The following ELK3 variants were observed in gnomAD, a reference collection of about 807,000 sequenced individuals.
ELK3 encodes ETS domain-containing protein Elk-3.
In ELK3, 10 loss-of-function variants were observed where a neutral mutation model predicts 28.9. The observed-to-expected ratio is 0.35, with a 90% confidence interval of 0.21 to 0.59. The LOEUF (loss-of-function observed/expected upper bound fraction) is 0.59, where lower values mean the gene tolerates loss of function less well. Ranked by LOEUF, ELK3 falls within the 20% of genes least tolerant of loss-of-function variation. The pLI is 0.82. For missense variants in ELK3, 463 were observed against 517.3 expected, an observed-to-expected ratio of 0.90 and a Z score of 1.02; for synonymous variants, 272 against 243.5, an observed-to-expected ratio of 1.12 and a Z score of -1.09.
At chr12:96,227,634 T>A (rs1347974240) in intron 2 of ELK3, among the ~76,000 whole-genome samples, 1 of 152,256 alleles carries the variant, frequency 6.6e-6, no homozygotes, top group African/African-American at 2.4e-5. Context: ...AGGAGGGTCA[T>A]CTCTGTGCCC....
chr12:96,260,555 T>TTATAGA (rs201069494), intron 4 of ELK3, among the ~76,000 whole-genome samples: 1,526 of 152,348 alleles, frequency 0.01, 43 homozygotes, highest in Admixed American at 0.061. Flanking sequence ...CTCTCCATAC[T>TTATAGA]AGGCGAGCAC....
At position 96,247,251 on chromosome 12, in the gene ELK3, C is replaced by G; in HGVS notation, c.519C>G (p.Ser173Arg). 6.2e-7 allele frequency: 1 copy of G among 1,614,020 alleles called. No individual in the cohort carries two copies. The highest frequency in any genetic ancestry group is 1.1e-5 in the South Asian group (1 of 91,080). ...TEKLEEPPED[S>R]PPVEEVRTVI... is the part of the protein sequence containing the mutation. ...AGCTGGAGGAGCCGCCCGAAGACAG[C>G]CCCCCCGTGGAAGAAGTCAGGACTG... is the stretch of plus-strand genomic sequence containing the variant. Residue 173 changes from serine to arginine, a missense_variant, in exon 3 of 5, where the codon AGC (serine) becomes AGG (arginine). Around this residue, in one of 2 missense-constraint regions of ELK3, gnomAD observed 408 missense variants for 414.8 expected, o/e 0.98. Coordinates refer to ENST00000228741, the MANE Select transcript of ELK3 (RefSeq NM_005230.4). This position sits in a 1 kb window ranked among gnomAD's most constrained non-coding sequence, Gnocchi z 5.5.
chr12:96,258,669 A>G (rs1416226917), intron 3 of ELK3, among the ~76,000 whole-genome samples: 2 of 152,208 alleles, frequency 1.3e-5, no homozygotes, highest in African/African-American at 4.8e-5. Context: ...CTCCACTGAG[A>G]ATAAAAGCCA....
chr12:96,214,141 G>A (rs1014592040), intron 1 of ELK3, among the ~76,000 whole-genome samples: 1 of 152,062 alleles, frequency 6.6e-6, no homozygotes, highest in Non-Finnish European at 1.5e-5. Flanking sequence ...AAAAAACATT[G>A]CAGACTGGGC....
chr12:96,227,767 G>A (rs1016481774), intron 2 of ELK3, among the ~76,000 whole-genome samples: 55 of 152,198 alleles, frequency 3.6e-4, no homozygotes, highest in African/African-American at 1.3e-3. Context: ...GATCGTCTGG[G>A]TTTGAATCCA....
At position 96,267,382 on chromosome 12, in the gene ELK3, G is replaced by A; in HGVS notation, c.*202G>A. On this transcript the variant is annotated 3_prime_UTR_variant, in exon 5 of 5. Coordinates refer to ENST00000228741, the MANE Select transcript of ELK3 (RefSeq NM_005230.4). ...TCAAGTATATATGAAAATCTGTTTG[G>A]CATTAAGTGAATTTTAATGTTTTTG... 2 of 454,806 alleles carry A rather than the reference G, an allele frequency of 4.4e-6. No individual in the cohort carries two copies. Among genetic ancestry groups the A allele is most frequent in the African/African-American group, 2.0e-5 (1 of 49,968 alleles). 28.2% of individuals were successfully genotyped at this position (454,806 alleles called of 1,614,324 possible).
chr12:96,227,479 G>A (rs867566548), intron 2 of ELK3, among the ~76,000 whole-genome samples: 2 of 151,914 alleles, frequency 1.3e-5, no homozygotes, highest in Non-Finnish European at 2.9e-5. Flanking sequence ...TATGTTATAT[G>A]TTATATTTTT....
intron 2 of ELK3, among the ~76,000 whole-genome samples, chr12:96,225,355 C>G (rs1468222129): frequency 6.6e-6 from 1 of 152,242 alleles, no homozygotes; most frequent in Non-Finnish European, 1.5e-5. Context: ...GTCTCTTTAG[C>G]ATGAAGGGTT....
intron 2 of ELK3, among the ~76,000 whole-genome samples, chr12:96,242,768 G>A (rs922480720): frequency 2.6e-5 from 4 of 152,110 alleles, no homozygotes; most frequent in Non-Finnish European, 5.9e-5. Context: ...TACTGTACCC[G>A]ACCCTGCCCT....
chr12:96,222,518 G>T (rs1212512733), intron 1 of ELK3, among the ~76,000 whole-genome samples: 1 of 152,206 alleles, frequency 6.6e-6, no homozygotes, highest in Non-Finnish European at 1.5e-5. Flanking sequence ...TCTGCAATTG[G>T]CAGTGATTGT....
rs562727548 is a variant in ELK3 at position 96,210,332 on chromosome 12, C to A, written c.-2-13233C>A. Among the ~76,000 whole-genome samples the A allele has an allele frequency of 1.6e-3, 236 of 152,196 alleles. 1 individual carries two copies. Among genetic ancestry groups the A allele is most frequent in the African/African-American group, 5.5e-3 (228 of 41,530 alleles). On this transcript the variant is annotated intron_variant, in intron 1 of 4. Transcript: ENST00000228741. Reference sequence around the variant, plus strand: ...GAAACAGGCTTCCCTAGAGGTGTTTCTTTTTAAAGGAAAGTTTTGGAGGCA... The same window carrying A: ...GAAACAGGCTTCCCTAGAGGTGTTTATTTTTAAAGGAAAGTTTTGGAGGCA...
chr12:96,227,268 C>T (rs1313100395), intron 2 of ELK3, among the ~76,000 whole-genome samples: 2 of 152,040 alleles, frequency 1.3e-5, no homozygotes, highest in African/African-American at 2.4e-5. Context: ...CTCTTCCTCA[C>T]TAACATTCAT....
rs1173290669 is a variant in ELK3 at position 96,267,375 on chromosome 12, C to CTGTT, written c.*198_*201dup. 2 of 466,894 alleles carry CTGTT rather than the reference C, an allele frequency of 4.3e-6. No individual in the cohort carries two copies. Among genetic ancestry groups the CTGTT allele is most frequent in the Admixed American group, 4.0e-5 (1 of 25,062 alleles). The allele number at this position is 466,894 out of a possible 1,614,324, so 28.9% of individuals were successfully genotyped here. ...GATATATTCAAGTATATATGAAAAT[C>CTGTT]TGTTTGGCATTAAGTGAATTTTAAT... On this transcript the variant is annotated 3_prime_UTR_variant, in exon 5 of 5. Coordinates refer to ENST00000228741, the MANE Select transcript of ELK3 (RefSeq NM_005230.4).
At chr12:96,259,686 G>A (rs766682132) in intron 3 of ELK3, 45 bp from the exon 4 acceptor site, 1 of 1,573,730 alleles carries the variant, frequency 6.4e-7, no homozygotes, top group East Asian at 2.3e-5. Context: ...CATGGCCCAA[G>A]TCAGGTGAAC....
chr12:96,234,720 A>G (rs1951768486), intron 2 of ELK3, among the ~76,000 whole-genome samples: 1 of 152,218 alleles, frequency 6.6e-6, no homozygotes, highest in African/African-American at 2.4e-5. Flanking sequence ...GTCGATATTG[A>G]GCCCATTGTA....
At chr12:96,266,403 A>G (rs565530386) in intron 4 of ELK3, among the ~76,000 whole-genome samples, 11 of 152,344 alleles carry the variant, frequency 7.2e-5, no homozygotes, top group African/African-American at 2.2e-4. Flanking sequence ...TGCAACTAAC[A>G]TATTTGTTTC....
intron 2 of ELK3, 146 bp downstream of exon 2, chr12:96,223,919 C>T (rs1592677490): frequency 1.2e-6 from 1 of 833,082 alleles, no homozygotes; most frequent in Non-Finnish European, 1.9e-6. Context: ...TGGAGAAAAG[C>T]TGTGCTGTAG....
chr12:96,251,323 T>C (rs953340594), intron 3 of ELK3, among the ~76,000 whole-genome samples: 1 of 152,102 alleles, frequency 6.6e-6, no homozygotes, highest in African/African-American at 2.4e-5. Flanking sequence ...ACTTGATCAG[T>C]GTTGTGTGTG....
intron 2 of ELK3, among the ~76,000 whole-genome samples, chr12:96,234,928 C>G (rs1418275305): frequency 6.6e-6 from 1 of 152,176 alleles, no homozygotes; most frequent in Non-Finnish European, 1.5e-5. Flanking sequence ...GATGATTACC[C>G]CAAGGGCAGC....
Sources: gnomAD v4.1 joint callset for allele counts (sites outside exome capture counted in the v4.1 genomes callset) on GRCh38, gnomAD v4.1.1 for gene constraint, gnomAD v4.1.1 regional missense constraint, Gnocchi (gnomAD v3.1) non-coding constraint, MANE v1.5 for transcripts, NCBI Gene and HGNC (gene_info 2026-07-23, HGNC 2026-07-21) for gene names.